Variants in EZR observed in about 807,000 individuals in gnomAD.
The protein encoded by EZR is ezrin.
A neutral mutation model predicts 74.8 loss-of-function variants in EZR; 40 were observed. That is an observed-to-expected ratio of 0.53 (90% CI 0.42 to 0.70). EZR has a LOEUF of 0.70. EZR is among the 30% of genes least tolerant of loss of function. The pLI, the probability that EZR is intolerant of heterozygous loss-of-function variation, is 0.00. For synonymous variants in EZR, 341 were observed against 283.3 expected (o/e 1.20, Z -2.05); for missense variants, 678 against 755.8 (o/e 0.90, Z 1.21).
chr6:158,801,657 T>G (rs531301361), intron 2 of EZR, among the ~76,000 whole-genome samples: 1 of 152,308 alleles, frequency 6.6e-6, no homozygotes, highest in Non-Finnish European at 1.5e-5. Context: ...GCCTGAGTAA[T>G]AGGAATAATA....
chr6:158,807,167 T>C lies in EZR; in HGVS notation c.12+10915A>G, dbSNP rs571058026. On this transcript the variant is annotated intron_variant, in intron 2 of 13. Transcript: ENST00000367075. The stretch of plus-strand genomic sequence containing the variant: ...CTCTACTAAAAAATACAAAAAAAAT[T>C]AGCCGAGTGTGATGGCTGGCGCCTG... Among the ~76,000 whole-genome samples, 50 of 151,780 alleles carry C rather than the reference T, an allele frequency of 3.3e-4. 1 individual carries two copies. The South Asian group carries it at 0.01, about 31-fold the overall frequency.
chr6:158,807,562 T>G (rs376749935), intron 2 of EZR, among the ~76,000 whole-genome samples: 1 of 152,100 alleles, frequency 6.6e-6, no homozygotes, highest in Non-Finnish European at 1.5e-5. Context: ...AACCCAAAAG[T>G]GATTTACCAG....
At chr6:158,782,736 G>A (rs1450503347) in intron 7 of EZR, among the ~76,000 whole-genome samples, 2 of 152,216 alleles carry the variant, frequency 1.3e-5, no homozygotes, top group Non-Finnish European at 2.9e-5. Context: ...GCAGTCAGGA[G>A]CCTCTCCCTT....
chr6:158,766,917 C>T lies in EZR; in HGVS notation c.1758G>A (p.Leu586=), dbSNP rs1275300864. The change falls in exon 14 of 14, where the codon CTG becomes CTA. Residue 586 remains leucine, a synonymous_variant. Coordinates refer to ENST00000367075, the MANE Select transcript of EZR (RefSeq NM_001111077.2). ...TKQRIDEFEA[L] ...GCCCTTGGTCCTGGCCTGGCTGTTA[C>T]AGGGCCTCGAACTCGTCGATGCGCT... The T allele has an allele frequency of 6.2e-7, 1 of 1,614,006 alleles. No individual in the cohort carries two copies. Among genetic ancestry groups the T allele is most frequent in the Non-Finnish European group, 8.5e-7 (1 of 1,179,944 alleles).
chr6:158,816,538 T>G (rs1390677937), intron 2 of EZR, among the ~76,000 whole-genome samples: 3 of 152,244 alleles, frequency 2.0e-5, no homozygotes, highest in Non-Finnish European at 4.4e-5. Context: ...CAGCTCTGCC[T>G]GAGTAAGGGG....
At chr6:158,807,908 T>C (rs1777378370) in intron 2 of EZR, among the ~76,000 whole-genome samples, 1 of 152,190 alleles carries the variant, frequency 6.6e-6, no homozygotes, top group African/African-American at 2.4e-5. Flanking sequence ...GGTGGGACAA[T>C]GTGCATTTCA....
intron 7 of EZR, among the ~76,000 whole-genome samples, chr6:158,782,984 A>T (rs944331204): frequency 5.9e-5 from 9 of 152,216 alleles, no homozygotes; most frequent in African/African-American, 9.6e-5. Context: ...CAGCTTGCTT[A>T]CAGGCCCTCA....
At chr6:158,804,766 A>T (rs56003664) in intron 2 of EZR, among the ~76,000 whole-genome samples, 78,974 of 139,212 alleles carry the variant, frequency 0.57, 21,584 homozygotes, top group Non-Finnish European at 0.64. Context: ...TTTTTTTCTT[A>T]TTTTTTTTTA....
chr6:158,801,278 C>T (rs1777181459), intron 2 of EZR, among the ~76,000 whole-genome samples: 1 of 152,142 alleles, frequency 6.6e-6, no homozygotes, highest in Non-Finnish European at 1.5e-5. Context: ...CCATGCCCAG[C>T]TAACTTTTGT....
chr6:158,817,163 A>G (rs896955458), intron 2 of EZR, among the ~76,000 whole-genome samples: 1 of 152,220 alleles, frequency 6.6e-6, no homozygotes. Flanking sequence ...TTCCAGATGT[A>G]TCTGTAATCC....
At chr6:158,797,933 AGTTT>A (rs1028634368) in intron 2 of EZR, among the ~76,000 whole-genome samples, 2 of 152,214 alleles carry the variant, frequency 1.3e-5, no homozygotes, top group African/African-American at 2.4e-5. Flanking sequence ...GTTTTGGAAT[AGTTT>A]GTCAGCCCAA....
intron 2 of EZR, among the ~76,000 whole-genome samples, chr6:158,817,479 A>G (rs1777583221): frequency 6.6e-6 from 1 of 152,250 alleles, no homozygotes; most frequent in Non-Finnish European, 1.5e-5. Context: ...GGCTGCCTGC[A>G]TCTACAATTC....
intron 4 of EZR, among the ~76,000 whole-genome samples, chr6:158,786,230 C>A (rs879796421): frequency 6.6e-6 from 1 of 152,022 alleles, no homozygotes; most frequent in Non-Finnish European, 1.5e-5. Context: ...AAAAATTAGC[C>A]GGGCATGATG....
chr6:158,807,584 A>G (rs773082366), intron 2 of EZR, among the ~76,000 whole-genome samples: 12 of 152,164 alleles, frequency 7.9e-5, no homozygotes, highest in Non-Finnish European at 1.0e-4. Context: ...AAACCAACAA[A>G]AACACATCAC....
intron 2 of EZR, among the ~76,000 whole-genome samples, chr6:158,809,588 G>C (rs1281955653): frequency 6.6e-6 from 1 of 152,192 alleles, no homozygotes; most frequent in African/African-American, 2.4e-5. Flanking sequence ...CAGAGTCCAT[G>C]ATGTGCTCAA....
intron 2 of EZR, among the ~76,000 whole-genome samples, chr6:158,797,683 T>C (rs1479538775): frequency 6.6e-6 from 1 of 152,200 alleles, no homozygotes; most frequent in Non-Finnish European, 1.5e-5. Flanking sequence ...CAAATGGGAG[T>C]ATGATAGGGA....
intron 7 of EZR, among the ~76,000 whole-genome samples, chr6:158,780,936 T>C (rs140514283): frequency 4.6e-5 from 7 of 152,304 alleles, no homozygotes; most frequent in East Asian, 1.9e-4. Flanking sequence ...TTAATGCTTA[T>C]GTGTACAATG....
intron 8 of EZR, among the ~76,000 whole-genome samples, chr6:158,771,971 A>G (rs1791125124): frequency 6.6e-6 from 1 of 152,046 alleles, no homozygotes; most frequent in South Asian, 2.1e-4. Flanking sequence ...ACCCCGACCC[A>G]TCACTGCCAG....
rs111574012 is a variant in EZR at position 158,765,833 on chromosome 6, C to G, written c.*1081G>C. On this transcript the variant is annotated 3_prime_UTR_variant, in exon 14 of 14. Transcript: ENST00000367075. ...TAGCTGTGAAGGAGAAAGCAGTGCA[C>G]GAGAAGGAATGAGTGGGCGGAACCA... 3.3e-5 allele frequency: 5 copies of G among 152,202 alleles called. No individual in the cohort carries two copies. Among genetic ancestry groups the G allele is most frequent in the African/African-American group, 7.2e-5 (3 of 41,426 alleles). The allele number at this position is 152,202 out of a possible 1,614,324, so 9.4% of individuals were successfully genotyped here.
Sources: gnomAD v4.1 joint callset for allele counts (sites outside exome capture counted in the v4.1 genomes callset) on GRCh38, gnomAD v4.1.1 for gene constraint, MANE v1.5 for transcripts, NCBI Gene and HGNC (gene_info 2026-07-23, HGNC 2026-07-21) for gene names.